CRISP1: variants seen among roughly 807,000 people sequenced by gnomAD.
CRISP1 encodes the protein cysteine rich secretory protein 1, also known as cysteine-rich secretory protein 1.
CRISP1 carries 44 observed loss-of-function variants against 33.1 expected under a neutral mutation model. That is an observed-to-expected ratio of 1.33 (90% CI 1.05 to 1.71). The LOEUF is 1.71. CRISP1 is among the 40% of genes most tolerant of loss of function. The pLI, the probability that CRISP1 is intolerant of heterozygous loss-of-function variation, is 0.00. For synonymous variants in CRISP1, 103 were observed against 98.7 expected, an observed-to-expected ratio of 1.04 and a Z score of -0.26; for missense variants, 390 against 301.2, an observed-to-expected ratio of 1.29 and a Z score of -2.18.
intron 6 of CRISP1, among the ~76,000 whole-genome samples, chr6:49,840,503 C>T (rs1253574228): frequency 6.6e-6 from 1 of 152,152 alleles, no homozygotes; most frequent in Non-Finnish European, 1.5e-5. Context: ...TAACAATACT[C>T]TTGTTTTGTT....
intron 1 of CRISP1, among the ~76,000 whole-genome samples, chr6:49,875,799 A>AAC (rs1234680675): frequency 6.6e-5 from 10 of 151,072 alleles, no homozygotes; most frequent in East Asian, 1.9e-4. Context: ...GCGATGGGTA[A>AAC]GTATTTCTAT....
At chr6:49,849,881 CA>C (rs150055243) in intron 3 of CRISP1, among the ~76,000 whole-genome samples, 35 of 150,538 alleles carry the variant, frequency 2.3e-4, no homozygotes, top group African/African-American at 7.1e-4. Flanking sequence ...TAGTTTCAAA[CA>C]AAAAAAAATA....
At chr6:49,867,522 T>C (rs547160108), upstream of CRISP1, among the ~76,000 whole-genome samples, 58 of 152,192 alleles carry the variant, frequency 3.8e-4, no homozygotes, top group Non-Finnish European at 7.1e-4. Context: ...GTAAGAATTG[T>C]GTAGTCATAA....
intron 5 of CRISP1, among the ~76,000 whole-genome samples, chr6:49,841,610 A>G (rs1368474124): frequency 3.3e-5 from 5 of 152,164 alleles, no homozygotes; most frequent in Admixed American, 2.6e-4. Flanking sequence ...CCTTCTCATC[A>G]AATTTATGTG....
chr6:49,869,785 A>C (rs184438799), upstream of CRISP1, among the ~76,000 whole-genome samples: 28 of 152,312 alleles, frequency 1.8e-4, 1 homozygote, highest in Non-Finnish European at 8.8e-5. Context: ...ATGTGTTGGA[A>C]CCTAATACCT....
chr6:49,849,441 A>T (rs1035559306), intron 3 of CRISP1, among the ~76,000 whole-genome samples: 3 of 152,098 alleles, frequency 2.0e-5, no homozygotes, highest in Admixed American at 6.5e-5. Flanking sequence ...TTGGTTAGGG[A>T]GAGGGAGGGA....
intron 4 of CRISP1, among the ~76,000 whole-genome samples, chr6:49,847,566 A>T (rs182882814): frequency 2.0e-5 from 3 of 152,264 alleles, no homozygotes; most frequent in East Asian, 3.9e-4. Flanking sequence ...AGCCAAGTAG[A>T]TGTGGGTGCC....
At chr6:49,857,179 A>G (rs1413247961) in intron 2 of CRISP1, among the ~76,000 whole-genome samples, 156 bp downstream of exon 2, 6 of 152,202 alleles carry the variant, frequency 3.9e-5, no homozygotes, top group African/African-American at 9.6e-5. Flanking sequence ...AAATGGTATT[A>G]AGATGAGTAC....
At chr6:49,838,292 G>T in intron 7 of CRISP1, 145 bp downstream of exon 7, 1 of 635,508 alleles carries the variant, frequency 1.6e-6, no homozygotes, top group Non-Finnish European at 2.7e-6. Context: ...TCTGGCAATT[G>T]GGGAGGGGTA....
intron 1 of CRISP1, among the ~76,000 whole-genome samples, chr6:49,860,498 AAC>A (rs1269478892): frequency 6.6e-6 from 1 of 152,140 alleles, no homozygotes; most frequent in African/African-American, 2.4e-5. Context: ...GTAGAACTTA[AAC>A]AACAGACTCC....
intron 1 of CRISP1, among the ~76,000 whole-genome samples, chr6:49,858,979 T>C (rs906504983): frequency 1.3e-5 from 2 of 152,048 alleles, no homozygotes; most frequent in South Asian, 4.2e-4. Context: ...AACAAGGCAG[T>C]CTGCTCAGTT....
At chr6:49,867,380 CTT>C (rs1771824421), upstream of CRISP1, among the ~76,000 whole-genome samples, 1 of 151,932 alleles carries the variant, frequency 6.6e-6, no homozygotes, top group South Asian at 2.1e-4. Context: ...TTGCTGGCCT[CTT>C]TTTAAAATTA....
At chr6:49,863,774 A>G (rs1771719946) in intron 1 of CRISP1, among the ~76,000 whole-genome samples, 1 of 152,240 alleles carries the variant, frequency 6.6e-6, no homozygotes, top group Non-Finnish European at 1.5e-5. Flanking sequence ...GAAAGCACTT[A>G]CATGAAGAAC....
chr6:49,872,980 A>G (rs1025188908), intron 1 of CRISP1, among the ~76,000 whole-genome samples: 2 of 151,988 alleles, frequency 1.3e-5, no homozygotes, highest in African/African-American at 4.8e-5. Flanking sequence ...GAATCTATAA[A>G]TTACCTTGGG....
chr6:49,836,042 C>A (rs1316027041), intron 7 of CRISP1, among the ~76,000 whole-genome samples: 2 of 152,100 alleles, frequency 1.3e-5, no homozygotes, highest in Non-Finnish European at 2.9e-5. Flanking sequence ...TATGAAGATA[C>A]CCAAAATTTT....
In CRISP1 at chr6:49,846,554, G is replaced by T. The variant is rs139194307; in HGVS notation, c.401C>A (p.Thr134Lys). The change falls in exon 5 of 8, where the codon ACG becomes AAG. Residue 134 changes from threonine to lysine, a missense_variant. Thr to Lys is a moderately conservative substitution (Grantham distance 78). Transcript: ENST00000335847. ...TSFKHGEWTTTDDDITTDHYT... is the reference protein window; with the variant it reads ...TSFKHGEWTTKDDDITTDHYT... ...GTGGTCAGTAGTTATGTCATCATCC[G>T]TTGTTGTCCATTCTCCATGTTTGAA... The T allele has an allele frequency of 6.2e-7, 1 of 1,613,314 alleles. No individual in the cohort carries two copies. The highest frequency in any genetic ancestry group is 8.5e-7 in the Non-Finnish European group (1 of 1,179,672).
intron 1 of CRISP1, among the ~76,000 whole-genome samples, chr6:49,871,752 G>GCCA (rs1771929683): frequency 6.6e-6 from 1 of 151,974 alleles, no homozygotes; most frequent in African/African-American, 2.4e-5. Context: ...TAGCTGCATA[G>GCCA]TATTCCATGG....
intron 7 of CRISP1, among the ~76,000 whole-genome samples, 194 bp from the exon 8 acceptor site, chr6:49,835,637 T>A (rs925134494): frequency 3.9e-5 from 6 of 152,082 alleles, no homozygotes; most frequent in Admixed American, 2.6e-4. Flanking sequence ...AAGGTAAAAT[T>A]TTTGTCTTTG....
chr6:49,868,450 A>G (rs61041053), upstream of CRISP1, among the ~76,000 whole-genome samples: 5,347 of 152,254 alleles, frequency 0.035, 315 homozygotes, highest in African/African-American at 0.12. Context: ...TAATGTGTTT[A>G]CAATCACATC....
Sources: allele counts gnomAD v4.1 joint callset (sites outside exome capture counted in the v4.1 genomes callset), GRCh38; gene constraint gnomAD v4.1.1; transcripts MANE v1.5; gene names NCBI Gene and HGNC (gene_info 2026-07-23, HGNC 2026-07-21).